Variants in CCSER1 observed in about 807,000 individuals in gnomAD.
The protein encoded by CCSER1 is coiled-coil serine rich protein 1.
A neutral mutation model predicts 82.0 loss-of-function variants in CCSER1; 41 were observed. That is an observed-to-expected ratio of 0.50 (90% CI 0.39 to 0.65). CCSER1 has a LOEUF of 0.65. Among genes scored for constraint, CCSER1 ranks in the 30% least tolerant of loss-of-function variants. CCSER1 has a pLI of 0.00. For synonymous variants in CCSER1, 414 were observed against 383.9 expected, an observed-to-expected ratio of 1.08 and a Z score of -0.92; for missense variants, 1,119 against 1,064.2, an observed-to-expected ratio of 1.05 and a Z score of -0.72.
chr4:90,276,317 TTTTCTTTCTTTC>T (rs371973796), intron 1 of CCSER1, among the ~76,000 whole-genome samples: 2 of 113,318 alleles, frequency 1.8e-5, no homozygotes, highest in Admixed American at 8.2e-5. Context: ...CTTTCTTTCT[TTTTCTTTCTTTC>T]TTTCTTTCTT....
chr4:91,054,131 G>C (rs933998932), intron 9 of CCSER1, among the ~76,000 whole-genome samples: 1 of 152,172 alleles, frequency 6.6e-6, no homozygotes, highest in Non-Finnish European at 1.5e-5. Context: ...CTTGTAGGAT[G>C]AGGGTCCTGG....
Position 90,243,033 on chromosome 4 carries a change from G to A in CCSER1, c.-41-65211G>A, listed in dbSNP as rs1371482662. Among the ~76,000 whole-genome samples the A allele has an allele frequency of 2.0e-5, 3 of 149,124 alleles. No homozygotes were observed. In the East Asian group the frequency reaches 6.0e-4, roughly 30 times the overall value. ...AATTTAAAGACTGAATATTCAGCTA[G>A]TTGATCTCTCTCTCTTTTCTCTCTC... On this transcript the variant is annotated intron_variant, in intron 1 of 10. Coordinates refer to ENST00000509176, the MANE Select transcript of CCSER1 (RefSeq NM_001145065.2).
chr4:91,160,643 C>G (rs180889587), intron 10 of CCSER1, among the ~76,000 whole-genome samples: 222 of 152,250 alleles, frequency 1.5e-3, no homozygotes, highest in African/African-American at 5.2e-3. Context: ...TCTCTGATGA[C>G]CAGTGATGAT....
intron 10 of CCSER1, among the ~76,000 whole-genome samples, chr4:91,092,447 T>A (rs1724061512): frequency 6.6e-6 from 1 of 152,186 alleles, no homozygotes. Context: ...TGAAGTCCAT[T>A]TGAAGATCTT....
chr4:90,856,665 A>G (rs972732154), intron 8 of CCSER1, among the ~76,000 whole-genome samples: 1 of 152,156 alleles, frequency 6.6e-6, no homozygotes, highest in Admixed American at 6.6e-5. Flanking sequence ...TCCCATTTAT[A>G]ACTCATAACT....
At chr4:91,093,727 C>A (rs184148181) in intron 10 of CCSER1, among the ~76,000 whole-genome samples, 1 of 152,312 alleles carries the variant, frequency 6.6e-6, no homozygotes, top group East Asian at 1.9e-4. Context: ...GTGTAAAGGG[C>A]TTTGTCAAAT....
chr4:90,373,533 A>G (rs1014103307), intron 3 of CCSER1, among the ~76,000 whole-genome samples: 33 of 152,230 alleles, frequency 2.2e-4, no homozygotes, highest in African/African-American at 7.2e-4. Flanking sequence ...ATACTCTTCT[A>G]TCAGAAACAT....
intron 10 of CCSER1, among the ~76,000 whole-genome samples, chr4:91,157,614 A>G (rs888240063): frequency 6.6e-6 from 1 of 152,036 alleles, no homozygotes; most frequent in Non-Finnish European, 1.5e-5. Flanking sequence ...ATGTATATTT[A>G]TATCTCCATC....
At chr4:91,435,752 A>G (rs940915472) in intron 10 of CCSER1, among the ~76,000 whole-genome samples, 3 of 152,234 alleles carry the variant, frequency 2.0e-5, no homozygotes, top group African/African-American at 7.2e-5. Flanking sequence ...TTTATTTGAG[A>G]TATCTCCACT....
Position 90,359,865 on chromosome 4 carries a change from GTATATATATGTGTGTATATATA to G in CCSER1, c.1510-40169_1510-40148del, listed in dbSNP as rs1579378884. On this transcript the variant is annotated intron_variant, in intron 3 of 10. Coordinates refer to ENST00000509176, the MANE Select transcript of CCSER1 (RefSeq NM_001145065.2). ...TATATATATGTGTGTATATATATGT[GTATATATATGTGTGTATATATA>G]TGTGTGTGTGTATATATATATATAT... 6.2e-5 allele frequency among the ~76,000 whole-genome samples: 9 copies of G among 145,380 alleles called. No individual in the cohort carries two copies. The East Asian group carries it at 1.0e-3, about 16-fold the overall frequency.
At chr4:90,811,648 G>A (rs999698354) in intron 7 of CCSER1, among the ~76,000 whole-genome samples, 6 of 152,076 alleles carry the variant, frequency 3.9e-5, no homozygotes, top group South Asian at 2.1e-4. Flanking sequence ...GCAGCTGAGC[G>A]TATATGATGG....
At chr4:91,091,172 C>T (rs755389013) in intron 10 of CCSER1, among the ~76,000 whole-genome samples, 15 of 152,144 alleles carry the variant, frequency 9.9e-5, no homozygotes, top group Middle Eastern at 3.2e-3. Context: ...ACAGCACAAG[C>T]GTCAAATTAT....
At chr4:91,543,415 A>G (rs7696500) in intron 10 of CCSER1, among the ~76,000 whole-genome samples, 15,399 of 152,134 alleles carry the variant, frequency 0.1, 846 homozygotes, top group South Asian at 0.2. Context: ...TTTACAATTT[A>G]GCATGTTTTT....
chr4:91,475,402 T>C (rs1480413625), intron 10 of CCSER1, among the ~76,000 whole-genome samples: 2 of 151,862 alleles, frequency 1.3e-5, no homozygotes, highest in Admixed American at 1.3e-4. Flanking sequence ...GCACATTTAA[T>C]ATTGGAGTCA....
intron 3 of CCSER1, among the ~76,000 whole-genome samples, chr4:90,354,724 A>G (rs72881683): frequency 0.019 from 2,923 of 152,252 alleles, 70 homozygotes; most frequent in African/African-American, 0.06. Flanking sequence ...ACAGACTTTT[A>G]TCATTTTAAG....
chr4:91,098,365 G>A (rs1355689694), intron 10 of CCSER1, among the ~76,000 whole-genome samples: 1 of 152,050 alleles, frequency 6.6e-6, no homozygotes, highest in Non-Finnish European at 1.5e-5. Flanking sequence ...AAAGTAACTT[G>A]CCAACCTGCA....
At chr4:91,091,163 C>A (rs991234113) in intron 10 of CCSER1, among the ~76,000 whole-genome samples, 1 of 152,184 alleles carries the variant, frequency 6.6e-6, no homozygotes, top group African/African-American at 2.4e-5. Flanking sequence ...CTATTAATGA[C>A]AGCACAAGCG....
chr4:91,203,806 A>G (rs1035384161), intron 10 of CCSER1, among the ~76,000 whole-genome samples: 3 of 151,810 alleles, frequency 2.0e-5, no homozygotes, highest in African/African-American at 7.2e-5. Flanking sequence ...ACTAGTTTCT[A>G]TAGTCTACAG....
chr4:90,675,706 G>GT (rs1733759796), intron 6 of CCSER1, among the ~76,000 whole-genome samples: 1 of 6,442 alleles, frequency 1.6e-4, no homozygotes, highest in Admixed American at 1.8e-3. Context: ...TTTTTTTTAT[G>GT]TGTTTTTTTT....
Sources: allele counts gnomAD v4.1 joint callset (sites outside exome capture counted in the v4.1 genomes callset), GRCh38; gene constraint gnomAD v4.1.1; transcripts MANE v1.5; gene names NCBI Gene and HGNC (gene_info 2026-07-23, HGNC 2026-07-21).